AOAH: variants seen among roughly 807,000 people sequenced by gnomAD.
AOAH encodes acyloxyacyl hydrolase (neutrophil).
A neutral mutation model predicts 92.2 loss-of-function variants in AOAH; 64 were observed. The observed-to-expected ratio is 0.69, with a 90% confidence interval of 0.57 to 0.86. The LOEUF (loss-of-function observed/expected upper bound fraction) is 0.86. Ranked by LOEUF, AOAH falls within the 40% of genes least tolerant of loss-of-function variation. AOAH has a pLI of 0.00. For synonymous variants in AOAH, 263 were observed against 254.5 expected (o/e 1.03, Z -0.32); for missense variants, 656 against 694.6 (o/e 0.94, Z 0.62).
At chr7:36,539,228 C>T (rs994534366) in intron 16 of AOAH, among the ~76,000 whole-genome samples, 1 of 152,210 alleles carries the variant, frequency 6.6e-6, no homozygotes, top group Non-Finnish European at 1.5e-5. Context: ...CGCCTGACTC[C>T]TAAGAAGGTG....
chr7:36,514,560 T>C, intron 20 of AOAH: 12 of 1,535,880 alleles, frequency 7.8e-6, no homozygotes, highest in Non-Finnish European at 1.0e-5. Context: ...TGGCTTGTCA[T>C]TAATATGCCT....
chr7:36,688,819 T>TTATGTGTATATATACATATATATATGTG (rs1797202380), intron 1 of AOAH, among the ~76,000 whole-genome samples: 2 of 151,076 alleles, frequency 1.3e-5, no homozygotes, highest in African/African-American at 2.5e-5. Flanking sequence ...ACACATATAT[T>TTATGTGTATATATACATATATATATGTG]TATGTGTATA....
At chr7:36,647,720 A>G (rs1794306756) in intron 4 of AOAH, among the ~76,000 whole-genome samples, 1 of 152,238 alleles carries the variant, frequency 6.6e-6, no homozygotes, top group African/African-American at 2.4e-5. Context: ...GGGTGTTAAC[A>G]AAAATACAGC....
At chr7:36,517,186 CTTTCTTTCTTTCTTTCTTTCTT>C (rs1562853688) in intron 20 of AOAH, among the ~76,000 whole-genome samples, 2 of 62,738 alleles carry the variant, frequency 3.2e-5, no homozygotes, top group Admixed American at 2.1e-4. Context: ...TTCTTTCTTT[CTTTCTTTCTTTCTTTCTTTCTT>C]TCTTTCTCTT....
At chr7:36,576,214 G>A (rs971338506) in intron 13 of AOAH, among the ~76,000 whole-genome samples, 17 of 152,206 alleles carry the variant, frequency 1.1e-4, no homozygotes, top group African/African-American at 4.1e-4. Context: ...ATCAGAGAGG[G>A]CAGAGCTTTT....
intron 4 of AOAH, among the ~76,000 whole-genome samples, chr7:36,654,350 G>A (rs908275464): frequency 4.0e-5 from 6 of 151,890 alleles, no homozygotes; most frequent in African/African-American, 7.3e-5. Context: ...GTGGGACATC[G>A]TAGATTTTTC....
chr7:36,535,875 CTT>C (rs1046674478), intron 16 of AOAH, among the ~76,000 whole-genome samples: 5 of 152,236 alleles, frequency 3.3e-5, no homozygotes, highest in African/African-American at 1.2e-4. Context: ...CCAAGCTTGA[CTT>C]TTCTCAAAGG....
At chr7:36,618,117 T>C (rs146334125) in intron 10 of AOAH, among the ~76,000 whole-genome samples, 180 bp downstream of exon 10, 2 of 152,386 alleles carry the variant, frequency 1.3e-5, no homozygotes, top group African/African-American at 4.8e-5. Context: ...CCTCCTTTTC[T>C]GAACCTTTTA....
intron 1 of AOAH, among the ~76,000 whole-genome samples, chr7:36,713,149 T>C (rs1287979462): frequency 6.6e-6 from 1 of 151,520 alleles, no homozygotes; most frequent in Non-Finnish European, 1.5e-5. Flanking sequence ...ACCAAGCAAA[T>C]GGAAAACAAA....
At chr7:36,545,896 G>A (rs750318790) in intron 15 of AOAH, among the ~76,000 whole-genome samples, 18 of 152,244 alleles carry the variant, frequency 1.2e-4, no homozygotes, top group African/African-American at 2.9e-4. Context: ...CACTGCCTCC[G>A]CCACCCCAAG....
In AOAH at chr7:36,641,323, C is replaced by T. The variant is rs191357298; in HGVS notation, c.391-3413G>A. On this transcript the variant is annotated intron_variant, in intron 4 of 20. Coordinates refer to ENST00000617537, the MANE Select transcript of AOAH (RefSeq NM_001637.4). ...CACCCGGGAACTGCCATTCTAGAAG[C>T]CCCCCCTCCTCAGCCCCCTTTGGAT... Among the ~76,000 whole-genome samples, 62 of 152,210 alleles carry T rather than the reference C, an allele frequency of 4.1e-4. 1 individual carries two copies. Among genetic ancestry groups the T allele is most frequent in the African/African-American group, 1.5e-3 (61 of 41,522 alleles).
At chr7:36,532,429 G>T in intron 16 of AOAH, 85 bp from the exon 17 acceptor site, 1 of 1,259,292 alleles carries the variant, frequency 7.9e-7, no homozygotes, top group Non-Finnish European at 1.2e-6. Context: ...TGCCTCCCTT[G>T]CAGAAAGTCA....
chr7:36,659,474 A>G (rs978594942), intron 3 of AOAH, among the ~76,000 whole-genome samples: 5 of 152,168 alleles, frequency 3.3e-5, no homozygotes, highest in Non-Finnish European at 5.9e-5. Context: ...ATGAGGTCCT[A>G]AAGGCGAGGA....
At chr7:36,549,507 GT>G in intron 13 of AOAH, 32 bp from the exon 14 acceptor site, 1 of 1,462,300 alleles carries the variant, frequency 6.8e-7, no homozygotes, top group South Asian at 1.2e-5. Flanking sequence ...AACAATTAAA[GT>G]TAGTGAGTTC....
chr7:36,544,960 A>G (rs1785706843), intron 15 of AOAH, among the ~76,000 whole-genome samples: 1 of 152,148 alleles, frequency 6.6e-6, no homozygotes, highest in African/African-American at 2.4e-5. Context: ...TGTTTTTGAA[A>G]CACCCAGGTA....
chr7:36,684,689 T>C (rs1277836551), intron 2 of AOAH, among the ~76,000 whole-genome samples: 1 of 151,584 alleles, frequency 6.6e-6, no homozygotes, highest in Non-Finnish European at 1.5e-5. Flanking sequence ...GAGGCCAAGA[T>C]GGACAGATTA....
intron 15 of AOAH, among the ~76,000 whole-genome samples, chr7:36,547,592 C>A (rs2116293944): frequency 6.6e-6 from 1 of 152,258 alleles, no homozygotes; most frequent in African/African-American, 2.4e-5. Context: ...CCTCGTTTGG[C>A]CTTACTTTCC....
intron 1 of AOAH, among the ~76,000 whole-genome samples, chr7:36,696,698 A>G (rs1333492509): frequency 6.6e-6 from 1 of 151,950 alleles, no homozygotes; most frequent in South Asian, 2.1e-4. Flanking sequence ...CGTCTCTACT[A>G]AAAAAACAAA....
intron 3 of AOAH, among the ~76,000 whole-genome samples, chr7:36,672,671 T>C (rs1210508371): frequency 6.6e-6 from 1 of 152,030 alleles, no homozygotes; most frequent in Non-Finnish European, 1.5e-5. Context: ...CTAATGAATG[T>C]GGGGCTTAAA....
Sources: allele counts gnomAD v4.1 joint callset (sites outside exome capture counted in the v4.1 genomes callset), GRCh38; gene constraint gnomAD v4.1.1; transcripts MANE v1.5; gene names NCBI Gene and HGNC (gene_info 2026-07-23, HGNC 2026-07-21).